RGS17: variants seen among roughly 807,000 people sequenced by gnomAD.
RGS17 encodes regulator of G-protein signaling 17.
In RGS17, 12 loss-of-function variants were observed where a neutral mutation model predicts 25.5. That is an observed-to-expected ratio of 0.47 (90% CI 0.30 to 0.76). The LOEUF (loss-of-function observed/expected upper bound fraction) is 0.76. Ranked by LOEUF, RGS17 falls within the 30% of genes least tolerant of loss-of-function variation. The pLI is 0.07. For missense variants in RGS17, 196 were observed against 242.2 expected, an observed-to-expected ratio of 0.81 and a Z score of 1.27; for synonymous variants, 71 against 76.9, an observed-to-expected ratio of 0.92 and a Z score of 0.40.
At chr6:153,104,580 T>C (rs1777351994) in intron 1 of RGS17, among the ~76,000 whole-genome samples, 1 of 152,226 alleles carries the variant, frequency 6.6e-6, no homozygotes, top group Non-Finnish European at 1.5e-5. Context: ...GATTCATTAA[T>C]TTATTCAATA....
At chr6:153,024,517 C>G (rs748576671) in intron 3 of RGS17, 21 bp from the exon 4 acceptor site, 7 of 1,566,374 alleles carry the variant, frequency 4.5e-6, no homozygotes, top group Middle Eastern at 1.7e-4. Flanking sequence ...AGAACGGGGC[C>G]GTGATCAAAG....
At chr6:153,024,841 T>C (rs1322050368) in intron 3 of RGS17, among the ~76,000 whole-genome samples, 5 of 152,142 alleles carry the variant, frequency 3.3e-5, no homozygotes, top group African/African-American at 9.7e-5. Flanking sequence ...ATAGAAACTG[T>C]CTGTAAGTGA....
intron 2 of RGS17, among the ~76,000 whole-genome samples, chr6:153,036,904 C>A (rs922602974): frequency 6.6e-6 from 1 of 152,122 alleles, no homozygotes; most frequent in South Asian, 2.1e-4. Context: ...TTCTTCCATA[C>A]ATTTTCCATT....
intron 4 of RGS17, among the ~76,000 whole-genome samples, chr6:153,020,107 AAAAAATATATAT>A (rs1779225807): frequency 2.1e-5 from 1 of 47,854 alleles, no homozygotes; most frequent in Non-Finnish European, 3.7e-5. Context: ...TCTTAAAAAA[AAAAAATATATAT>A]ATATATATAT....
chr6:153,105,637 G>A (rs1368509745), intron 1 of RGS17, among the ~76,000 whole-genome samples: 2 of 151,548 alleles, frequency 1.3e-5, no homozygotes, highest in Non-Finnish European at 2.9e-5. Flanking sequence ...CAGTATGTAA[G>A]GTGAAGTCTT....
At chr6:153,112,631 C>T (rs1777489701) in intron 1 of RGS17, among the ~76,000 whole-genome samples, 1 of 151,920 alleles carries the variant, frequency 6.6e-6, no homozygotes, top group Non-Finnish European at 1.5e-5. Flanking sequence ...TCAGATTCAC[C>T]AAGGTTGAAA....
chr6:153,055,982 C>A (rs1476825717), intron 1 of RGS17, among the ~76,000 whole-genome samples: 4 of 152,066 alleles, frequency 2.6e-5, no homozygotes, highest in Non-Finnish European at 4.4e-5. Context: ...GAACTTGGGT[C>A]TAAAAACACT....
chr6:153,089,738 C>A (rs1385633429), intron 1 of RGS17, among the ~76,000 whole-genome samples: 1 of 151,834 alleles, frequency 6.6e-6, no homozygotes, highest in Non-Finnish European at 1.5e-5. Context: ...GTTTAACTGA[C>A]TGTAGAGAAA....
chr6:153,114,231 A>G (rs1343984944), intron 1 of RGS17, among the ~76,000 whole-genome samples: 4 of 152,200 alleles, frequency 2.6e-5, no homozygotes, highest in Admixed American at 2.0e-4. Flanking sequence ...TAGACACAAT[A>G]CAAAATGATT....
chr6:153,090,235 A>G (rs944840926), intron 1 of RGS17, among the ~76,000 whole-genome samples: 1 of 152,126 alleles, frequency 6.6e-6, no homozygotes, highest in Non-Finnish European at 1.5e-5. Flanking sequence ...AGAGGTAAAA[A>G]TATAATACCC....
intron 1 of RGS17, among the ~76,000 whole-genome samples, chr6:153,057,750 T>C (rs1776580175): frequency 6.6e-6 from 1 of 152,208 alleles, no homozygotes; most frequent in South Asian, 2.1e-4. Flanking sequence ...TTCCTGCAAC[T>C]AGACACTCCC....
chr6:153,087,478 G>A (rs1170925776), intron 1 of RGS17, among the ~76,000 whole-genome samples: 3 of 152,146 alleles, frequency 2.0e-5, no homozygotes, highest in African/African-American at 7.2e-5. Context: ...AACACATGCT[G>A]CTATCCCAAA....
At chr6:153,100,331 T>G (rs1340403761) in intron 1 of RGS17, among the ~76,000 whole-genome samples, 1 of 152,232 alleles carries the variant, frequency 6.6e-6, no homozygotes, top group African/African-American at 2.4e-5. Context: ...TTCCAGAAAC[T>G]TGTTATTTCT....
At chr6:153,085,617 G>A (rs1777041430) in intron 1 of RGS17, among the ~76,000 whole-genome samples, 2 of 152,134 alleles carry the variant, frequency 1.3e-5, no homozygotes, top group Non-Finnish European at 2.9e-5. Flanking sequence ...TCACATACCA[G>A]GATTAGTCCC....
In RGS17 at chr6:153,127,025, G is replaced by A. The variant is rs569606351; in HGVS notation, c.-26+4099C>T. ...TTCCACGGATGGCAGTGGGGGTGGG[G>A]GAATAGTTCTGGAATGAAACTGTTC... is the stretch of plus-strand genomic sequence containing the variant. On this transcript the variant is annotated intron_variant, in intron 1 of 4. Transcript: ENST00000206262. Among the ~76,000 whole-genome samples the A allele has an allele frequency of 2.7e-3, 413 of 152,254 alleles. 4 individuals are homozygous for A. The highest frequency in any genetic ancestry group is 9.4e-3 in the African/African-American group (391 of 41,532).
intron 3 of RGS17, 56 bp from the exon 4 acceptor site, chr6:153,024,552 A>C: frequency 7.9e-7 from 1 of 1,262,952 alleles, no homozygotes; most frequent in Non-Finnish European, 1.2e-6. Flanking sequence ...AGTGAATGCT[A>C]GACCAGGTAA....
intron 1 of RGS17, among the ~76,000 whole-genome samples, chr6:153,108,917 A>G (rs1777425495): frequency 6.6e-6 from 1 of 151,924 alleles, no homozygotes; most frequent in African/African-American, 2.4e-5. Context: ...AAGACCAAGT[A>G]TAGCCATCTC....
At position 153,054,051 on chromosome 6, in the gene RGS17, G is replaced by GTA. The variant is rs1354796229; in HGVS notation, c.-25-10010_-25-10009dup. Among the ~76,000 whole-genome samples, 25 of 54,606 alleles carry GTA rather than the reference G, an allele frequency of 4.6e-4. 3 individuals are homozygous for GTA. The highest frequency in any genetic ancestry group is 7.2e-4 in the Non-Finnish European group (23 of 32,110). The allele number at this position is 54,606 out of a possible 152,430, so 35.8% of individuals were successfully genotyped here. A position where few individuals can be genotyped will look rare whatever the true frequency, so the allele number is the denominator to read the frequency against. Reference sequence around the variant, plus strand: ...TATATATACATATATATGTATATATGTATATAATATATATACATATATATA... The same window carrying GTA: ...TATATATACATATATATGTATATATGTATATATAATATATATACATATATATA... On this transcript the variant is annotated intron_variant, in intron 1 of 4. Transcript: ENST00000206262.
chr6:153,077,904 C>A (rs542674211), intron 1 of RGS17, among the ~76,000 whole-genome samples: 1 of 150,706 alleles, frequency 6.6e-6, no homozygotes, highest in Non-Finnish European at 1.5e-5. Flanking sequence ...GACAGAGACT[C>A]GCTCCATCAC....
Sources: allele counts gnomAD v4.1 joint callset (sites outside exome capture counted in the v4.1 genomes callset), GRCh38; gene constraint gnomAD v4.1.1; transcripts MANE v1.5; gene names NCBI Gene and HGNC (gene_info 2026-07-23, HGNC 2026-07-21).